COLEC12: variants seen among roughly 807,000 people sequenced by gnomAD.
COLEC12 encodes the protein collectin subfamily member 12.
A neutral mutation model predicts 71.1 loss-of-function variants in COLEC12; 33 were observed. That is an observed-to-expected ratio of 0.46 (90% CI 0.35 to 0.62). The LOEUF (loss-of-function observed/expected upper bound fraction) is 0.62. Among genes scored for constraint, COLEC12 ranks in the 20% least tolerant of loss-of-function variants. The pLI is 0.00. For missense variants in COLEC12, 765 were observed against 916.1 expected (o/e 0.84, Z 2.13); for synonymous variants, 350 against 353.0 (o/e 0.99, Z 0.10).
rs1442016652 is a variant in COLEC12, at chr18:319,344, A to G, written c.*701T>C. ...ATTAAAAAAAAAAAAAAAAAAAAAT[A>G]TATATATATATATATATATACACAT... On this transcript the variant is annotated 3_prime_UTR_variant, in exon 10 of 10. Coordinates refer to ENST00000400256, the MANE Select transcript of COLEC12 (RefSeq NM_130386.3). The G allele has an allele frequency of 5.4e-5, 2 of 36,976 alleles. No individual in the cohort carries two copies. Among genetic ancestry groups the G allele is most frequent in the Non-Finnish European group, 1.6e-4 (2 of 12,560 alleles). 2.3% of individuals were successfully genotyped at this position (36,976 alleles called of 1,614,324 possible). A position where few individuals can be genotyped will look rare whatever the true frequency, so the allele number is the denominator to read the frequency against.
intron 2 of COLEC12, among the ~76,000 whole-genome samples, chr18:430,085 C>G (rs964939839): frequency 1.3e-5 from 2 of 152,104 alleles, no homozygotes; most frequent in African/African-American, 2.4e-5. Context: ...TGGTGGCTCA[C>G]GTCTGTAATC....
At chr18:456,411 C>T (rs1350585410) in intron 2 of COLEC12, among the ~76,000 whole-genome samples, 5 of 152,150 alleles carry the variant, frequency 3.3e-5, no homozygotes, top group Admixed American at 2.0e-4. Flanking sequence ...ACTCATAAAC[C>T]AGGCCCACAC....
At position 500,430 on chromosome 18, in the gene COLEC12, A is replaced by T; in HGVS notation, c.7+78T>A. On this transcript the variant is annotated intron_variant, in intron 1 of 9. Transcript: ENST00000400256. This position sits in a 1 kb window ranked among gnomAD's most constrained non-coding sequence, Gnocchi z 5.3. ...CAGCCCAAGGGAAGGTTCGCGCGGG[A>T]GGCACCTCCGTGGCCTCCCGCGCGC... is the stretch of plus-strand genomic sequence containing the variant. 24 of 713,128 alleles carry T rather than the reference A, an allele frequency of 3.4e-5. No homozygotes were observed. The highest frequency in any genetic ancestry group is 6.3e-4 in the Middle Eastern group (1 of 1,578). 44.2% of individuals were successfully genotyped at this position (713,128 alleles called of 1,614,324 possible).
chr18:444,471 C>G (rs1253072861), intron 2 of COLEC12, among the ~76,000 whole-genome samples: 2 of 151,942 alleles, frequency 1.3e-5, no homozygotes, highest in African/African-American at 4.8e-5. Flanking sequence ...TGTGAATAAC[C>G]ATGGAAATAG....
chr18:348,026 A>G, intron 4 of COLEC12, 39 bp downstream of exon 4: 1 of 1,309,694 alleles, frequency 7.6e-7, no homozygotes, highest in Non-Finnish European at 1.1e-6. Context: ...ATTTATGTAG[A>G]GTCAGGGGAT....
At chr18:436,534 G>T (rs947885823) in intron 2 of COLEC12, among the ~76,000 whole-genome samples, 1 of 141,212 alleles carries the variant, frequency 7.1e-6, no homozygotes, top group Non-Finnish European at 1.6e-5. Flanking sequence ...AAGGGGGGGG[G>T]GGGGGAAACA....
chr18:432,489 C>T (rs1916323761), intron 2 of COLEC12, among the ~76,000 whole-genome samples: 1 of 152,140 alleles, frequency 6.6e-6, no homozygotes, highest in South Asian at 2.1e-4. Context: ...GGTAAGACTG[C>T]AATCAGTTCT....
chr18:385,843 G>A (rs1309539205), intron 2 of COLEC12, among the ~76,000 whole-genome samples: 4 of 152,126 alleles, frequency 2.6e-5, no homozygotes, highest in Admixed American at 1.3e-4. Flanking sequence ...GTAAAATGCT[G>A]ATACTGGTTA....
In COLEC12 at chr18:419,345, A is replaced by G. The variant is rs183363495; in HGVS notation, c.58+61362T>C. ...CTCAGCCTCCTGAGTAGCTGGGACT[A>G]CAGGCGCATGCCACCACACTAGGCT... On this transcript the variant is annotated intron_variant, in intron 2 of 9. Transcript: ENST00000400256. Among the ~76,000 whole-genome samples, 14 of 152,278 alleles carry G rather than the reference A, an allele frequency of 9.2e-5. No individual in the cohort carries two copies. In the East Asian group the frequency reaches 2.5e-3, roughly 27 times the overall value.
chr18:397,961 A>T (rs928010546), intron 2 of COLEC12, among the ~76,000 whole-genome samples: 2 of 152,238 alleles, frequency 1.3e-5, no homozygotes, highest in Non-Finnish European at 1.5e-5. Context: ...AGAACTTTTT[A>T]AAAAGGGAAG....
chr18:317,252 C>T lies in COLEC12; in HGVS notation c.*2793G>A, dbSNP rs1913569524. On this transcript the variant is annotated 3_prime_UTR_variant, in exon 10 of 10. Coordinates refer to ENST00000400256, the MANE Select transcript of COLEC12 (RefSeq NM_130386.3). The stretch of plus-strand genomic sequence containing the variant: ...AAAACAAAAACAAACAAAAAAGAAA[C>T]CTGGTATGTAAGTAGCTAAATATAG... 6.6e-6 allele frequency: 1 copy of T among 151,954 alleles called. No individual in the cohort carries two copies. The highest frequency in any genetic ancestry group is 2.4e-5 in the African/African-American group (1 of 41,344). The allele number at this position is 151,954 out of a possible 1,614,324, so 9.4% of individuals were successfully genotyped here.
intron 2 of COLEC12, among the ~76,000 whole-genome samples, chr18:371,393 T>C (rs911151922): frequency 2.0e-5 from 3 of 152,112 alleles, no homozygotes; most frequent in African/African-American, 7.2e-5. Context: ...GGAAGATCCA[T>C]CTGTTTCTAC....
intron 2 of COLEC12, among the ~76,000 whole-genome samples, chr18:368,709 C>CAA (rs1276961942): frequency 9.9e-5 from 15 of 150,818 alleles, no homozygotes; most frequent in Non-Finnish European, 1.8e-4. Flanking sequence ...CTAAAAAATA[C>CAA]AAAAAAATTA....
intron 2 of COLEC12, among the ~76,000 whole-genome samples, chr18:463,599 T>G (rs1250152319): frequency 6.6e-6 from 1 of 151,986 alleles, no homozygotes; most frequent in African/African-American, 2.4e-5. Flanking sequence ...GGCTCTGTTC[T>G]CTCCCCACCT....
chr18:337,275 T>C (rs1914140693), intron 5 of COLEC12, among the ~76,000 whole-genome samples: 1 of 152,182 alleles, frequency 6.6e-6, no homozygotes, highest in African/African-American at 2.4e-5. Context: ...TTATCCCTCC[T>C]GCTCCTTGGC....
chr18:348,169 A>G lies in COLEC12; in HGVS notation c.182-6T>C, dbSNP rs1914428736. 6.3e-7 allele frequency: 1 copy of G among 1,593,034 alleles called. No homozygotes were observed. Among genetic ancestry groups the G allele is most frequent in the African/African-American group, 1.3e-5 (1 of 74,468 alleles). On this transcript the variant is annotated splice_polypyrimidine_tract_variant and splice_region_variant and intron_variant, in intron 3 of 9. Coordinates refer to ENST00000400256, the MANE Select transcript of COLEC12 (RefSeq NM_130386.3). The stretch of plus-strand genomic sequence containing the variant: ...ATTGTCCATTTTCTCTACAACTAAG[A>G]TTTGGAAAATGATGCATTAGTATAC...
intron 2 of COLEC12, among the ~76,000 whole-genome samples, chr18:478,641 A>G (rs1231686265): frequency 1.3e-5 from 2 of 152,120 alleles, no homozygotes; most frequent in Non-Finnish European, 1.5e-5. Flanking sequence ...TAAAACACAA[A>G]AAACACCTCA....
At chr18:490,559 T>C (rs1251662297) in intron 1 of COLEC12, among the ~76,000 whole-genome samples, 1 of 152,356 alleles carries the variant, frequency 6.6e-6, no homozygotes, top group East Asian at 1.9e-4. Flanking sequence ...CTTTAAACTA[T>C]GTACATCTCT....
chr18:368,418 C>CA (rs1359027592), intron 2 of COLEC12, among the ~76,000 whole-genome samples: 1 of 151,154 alleles, frequency 6.6e-6, no homozygotes, highest in Non-Finnish European at 1.5e-5. Context: ...ACTAAAAACA[C>CA]AAAAAATTAG....
Sources: gnomAD v4.1 joint callset for allele counts (sites outside exome capture counted in the v4.1 genomes callset) on GRCh38, gnomAD v4.1.1 for gene constraint, Gnocchi (gnomAD v3.1) non-coding constraint, MANE v1.5 for transcripts, NCBI Gene and HGNC (gene_info 2026-07-23, HGNC 2026-07-21) for gene names.